Variants in TMTC1 observed in about 807,000 individuals in gnomAD.
The protein encoded by TMTC1 is transmembrane O-mannosyltransferase targeting cadherins 1, also known as protein O-mannosyl-transferase TMTC1.
A neutral mutation model predicts 104.8 loss-of-function variants in TMTC1; 73 were observed. The ratio of observed to expected loss-of-function variants is 0.70; its 90% CI spans 0.58 to 0.85. TMTC1 has a LOEUF of 0.85. Ranked by LOEUF, TMTC1 falls within the 40% of genes least tolerant of loss-of-function variation. The pLI, the probability that TMTC1 is intolerant of heterozygous loss-of-function variation, is 0.00. For missense variants in TMTC1, 1,035 were observed against 1,096.1 expected (o/e 0.94, Z 0.79); for synonymous variants, 434 against 428.7 (o/e 1.01, Z -0.15).
intron 5 of TMTC1, among the ~76,000 whole-genome samples, chr12:29,698,282 T>G (rs770319505): frequency 6.6e-6 from 1 of 152,130 alleles, no homozygotes; most frequent in African/African-American, 2.4e-5. Flanking sequence ...ATTGCCATGA[T>G]CCCCCACTTC....
At chr12:29,615,356 G>A (rs1015962389) in intron 6 of TMTC1, among the ~76,000 whole-genome samples, 9 of 152,118 alleles carry the variant, frequency 5.9e-5, no homozygotes, top group African/African-American at 2.2e-4. Flanking sequence ...ATGTCTTGAG[G>A]CAGCCACATC....
At chr12:29,536,348 A>G (rs1336078499) in intron 10 of TMTC1, 31 bp from the exon 11 acceptor site, 1 of 1,340,658 alleles carries the variant, frequency 7.5e-7, no homozygotes, top group Non-Finnish European at 1.1e-6. Context: ...GTGGGGGAGA[A>G]CATCTTTTAA....
At chr12:29,666,179 C>T (rs1192489709) in intron 5 of TMTC1, 2 of 433,070 alleles carry the variant, frequency 4.6e-6, no homozygotes, top group South Asian at 3.4e-5. Context: ...TGAGCCAAAT[C>T]AAATTGTAAA....
At chr12:29,544,738 C>A (rs1264446796) in intron 10 of TMTC1, among the ~76,000 whole-genome samples, 1 of 152,202 alleles carries the variant, frequency 6.6e-6, no homozygotes, top group Non-Finnish European at 1.5e-5. Context: ...TAAAACAATG[C>A]TCCCAGGTAG....
intron 8 of TMTC1, among the ~76,000 whole-genome samples, chr12:29,582,704 G>A (rs1946016004): frequency 6.6e-6 from 1 of 152,176 alleles, no homozygotes; most frequent in Non-Finnish European, 1.5e-5. Context: ...CAAAGAATAA[G>A]TGTTGGGTAC....
chr12:29,530,747 T>G (rs957517789), intron 11 of TMTC1, among the ~76,000 whole-genome samples: 1 of 152,186 alleles, frequency 6.6e-6, no homozygotes, highest in Non-Finnish European at 1.5e-5. Context: ...CAACCCATTA[T>G]AAGAAGTAAA....
chr12:29,541,745 G>A (rs111653086), intron 10 of TMTC1, among the ~76,000 whole-genome samples: 4,471 of 140,264 alleles, frequency 0.032, 203 homozygotes, highest in African/African-American at 0.11. Flanking sequence ...TGCAACCTCC[G>A]CCTCCCAGGT....
chr12:29,517,300 G>A (rs534472191), intron 14 of TMTC1, 127 bp downstream of exon 14: 5 of 1,006,712 alleles, frequency 5.0e-6, no homozygotes, highest in Admixed American at 2.5e-5. Flanking sequence ...AACATTAGCT[G>A]TATGAATATT....
intron 6 of TMTC1, among the ~76,000 whole-genome samples, chr12:29,607,236 C>A (rs1462281701): frequency 6.6e-6 from 1 of 152,208 alleles, no homozygotes; most frequent in Non-Finnish European, 1.5e-5. Context: ...CCTTTATTGT[C>A]TGTCTGCCTC....
intron 8 of TMTC1, among the ~76,000 whole-genome samples, chr12:29,582,595 G>A (rs370569865): frequency 3.3e-5 from 5 of 152,142 alleles, no homozygotes; most frequent in Admixed American, 6.5e-5. Flanking sequence ...TGGGTGTGCC[G>A]GGTTCTTCAC....
chr12:29,599,424 C>A (rs924733607), intron 7 of TMTC1, among the ~76,000 whole-genome samples: 1 of 152,196 alleles, frequency 6.6e-6, no homozygotes, highest in African/African-American at 2.4e-5. Context: ...CTATTTCTGT[C>A]CCTTTTATCC....
At chr12:29,549,716 A>G (rs1032827008) in intron 10 of TMTC1, among the ~76,000 whole-genome samples, 1 of 152,182 alleles carries the variant, frequency 6.6e-6, no homozygotes, top group Admixed American at 6.5e-5. Context: ...TGACCTGAAT[A>G]TTCTAAGTAA....
In TMTC1 at chr12:29,758,666, T is replaced by C. The variant is rs76808946; in HGVS notation, c.554+38A>G. ...CTCCCAGTCTACACACACGGCACAGTTGCGATCACAGAGAAGGGCATTCTT... is the reference window on the plus strand; with the variant it reads ...CTCCCAGTCTACACACACGGCACAGCTGCGATCACAGAGAAGGGCATTCTT... On this transcript the variant is annotated intron_variant, in intron 3 of 17. Transcript: ENST00000539277. The C allele has an allele frequency of 2.3e-3, 3,727 of 1,592,332 alleles. 78 individuals carry two copies. In the African/African-American group the frequency reaches 0.045, roughly 19 times the overall value.
intron 11 of TMTC1, chr12:29,534,871 GACATGGTAGTAGAGA>G (rs1208542326): frequency 1.3e-5 from 2 of 152,124 alleles, no homozygotes; most frequent in African/African-American, 4.8e-5. Flanking sequence ...AGTAAGGCAG[GACATGGTAGTAGAGA>G]ACATGATGGG....
At position 29,514,564 on chromosome 12, in the gene TMTC1, T is replaced by C. The variant is rs1209738023; in HGVS notation, c.2348A>G (p.Lys783Arg). 7 of 1,613,978 alleles carry C rather than the reference T, an allele frequency of 4.3e-6. No individual in the cohort carries two copies. The East Asian group carries it at 1.1e-4, about 26-fold the overall frequency. Reference sequence around the variant, plus strand: ...AAGTTCAGAAATGACTTTTGGGTCCTTTGGTTTCAGCTGGAGAGCCTTGTC... The same window carrying C: ...AAGTTCAGAAATGACTTTTGGGTCCCTTGGTTTCAGCTGGAGAGCCTTGTC... Reference protein sequence around the residue: ...AIDKALQLKPKDPKVISELFF... With the variant: ...AIDKALQLKPRDPKVISELFF... Residue 783 changes from lysine (K) to arginine (R), a missense_variant, in exon 16 of 18, where the codon AAG becomes AGG. By Grantham distance (26) the Lys-to-Arg change is conservative. Coordinates refer to ENST00000539277, the MANE Select transcript of TMTC1 (RefSeq NM_001193451.2).
At chr12:29,670,619 G>A (rs1181181556) in intron 5 of TMTC1, among the ~76,000 whole-genome samples, 1 of 152,114 alleles carries the variant, frequency 6.6e-6, no homozygotes, top group East Asian at 1.9e-4. Context: ...ACACATCAGT[G>A]ACATACATTT....
At chr12:29,520,945 G>T (rs111500163) in intron 11 of TMTC1, 2 of 466,890 alleles carry the variant, frequency 4.3e-6, no homozygotes, top group Admixed American at 7.4e-5. Context: ...CCCTTAGGGC[G>T]AAAAAGATGA....
At chr12:29,711,832 C>T (rs1237468965) in intron 5 of TMTC1, among the ~76,000 whole-genome samples, 2 of 151,684 alleles carry the variant, frequency 1.3e-5, no homozygotes, top group African/African-American at 4.8e-5. Context: ...AGTGAAACCC[C>T]GTCTCTACTA....
chr12:29,712,006 CAAAAAAAAAA>C (rs34419655), intron 5 of TMTC1, among the ~76,000 whole-genome samples: 5 of 43,940 alleles, frequency 1.1e-4, no homozygotes, highest in Non-Finnish European at 1.5e-4. Flanking sequence ...GACTCCATCT[CAAAAAAAAAA>C]AAAAAAAAAA....
Sources: allele counts gnomAD v4.1 joint callset (sites outside exome capture counted in the v4.1 genomes callset), GRCh38; gene constraint gnomAD v4.1.1; transcripts MANE v1.5; gene names NCBI Gene and HGNC (gene_info 2026-07-23, HGNC 2026-07-21).